The following MAP4K1 variants were observed in gnomAD, a reference collection of about 807,000 sequenced individuals.
The protein encoded by MAP4K1 is MAPK/ERK kinase kinase kinase 1.
A neutral mutation model predicts 122.8 loss-of-function variants in MAP4K1; 35 were observed. The observed-to-expected ratio is 0.29, with a 90% CI of 0.22 to 0.38. The LOEUF (loss-of-function observed/expected upper bound fraction) is 0.38, where lower values mean the gene tolerates loss of function less well. Ranked by LOEUF, MAP4K1 falls within the 10% of genes least tolerant of loss-of-function variation. The pLI is 1.00. For missense variants in MAP4K1, 791 were observed against 1,072.6 expected, an observed-to-expected ratio of 0.74 and a Z score of 3.67; for synonymous variants, 412 against 421.3, an observed-to-expected ratio of 0.98 and a Z score of 0.27.
In MAP4K1 at chr19:38,608,828, A is replaced by AAAAAAAAAAAAAAAAAC. The variant is rs1555811720; in HGVS notation, c.1007-659_1007-658insGTTTTTTTTTTTTTTTT. On this transcript the variant is annotated intron_variant, in intron 13 of 30. Coordinates refer to ENST00000396857, the MANE Select transcript of MAP4K1 (RefSeq NM_001042600.3). ...AAAAAAAAAAAAAAAAAAAAAAAAA[A>AAAAAAAAAAAAAAAAAC]ACATTAGCCACGCGTGGTGAATAAG... 3.7e-4 allele frequency among the ~76,000 whole-genome samples: 51 copies of AAAAAAAAAAAAAAAAAC among 137,242 alleles called. 2 individuals carry two copies. The highest frequency in any genetic ancestry group is 6.7e-4 in the Non-Finnish European group (41 of 61,440). The allele number at this position is 137,242 out of a possible 152,430, so 90.0% of individuals were successfully genotyped here.
intron 8 of MAP4K1, 151 bp from the exon 9 acceptor site, chr19:38,612,893 A>C: frequency 1.2e-6 from 1 of 806,538 alleles, no homozygotes; most frequent in Non-Finnish European, 2.0e-6. Flanking sequence ...ACACAGGCAG[A>C]TGAAGACAGA....
rs527341151 is a variant in MAP4K1 at position 38,605,602 on chromosome 19, T to C, written c.1329A>G (p.Pro443=). ...PPNSPRPGPP[P]STSSPHLTAH... is the part of the protein sequence containing the mutation. Reference sequence around the variant, plus strand: ...CGGTGAGGTGGGGGCTGCTGGTGGATGGGGGAGGCCCAGGACGGGGGCTGT... The same window carrying C: ...CGGTGAGGTGGGGGCTGCTGGTGGACGGGGGAGGCCCAGGACGGGGGCTGT... The change falls in exon 18 of 31, where the codon CCA becomes CCG. Residue 443 remains proline, a synonymous_variant. Coordinates refer to ENST00000396857, the MANE Select transcript of MAP4K1 (RefSeq NM_001042600.3). The C allele has an allele frequency of 1.3e-6, 2 of 1,550,740 alleles. No homozygotes were observed. The highest frequency in any genetic ancestry group is 1.4e-5 in the African/African-American group (1 of 72,010).
At chr19:38,600,557 C>T (rs759774025) in intron 20 of MAP4K1, among the ~76,000 whole-genome samples, 1 of 152,086 alleles carries the variant, frequency 6.6e-6, no homozygotes, top group Non-Finnish European at 1.5e-5. Flanking sequence ...TCCAGTGTGA[C>T]CTGTTCCTTT....
Position 38,610,041 on chromosome 19 carries a change from G to T in MAP4K1, c.811-16C>A, listed in dbSNP as rs1001428256. The stretch of plus-strand genomic sequence containing the variant: ...CCAGTTGATGCTGGCGGAGGGAAGA[G>T]GTGTCCGTATCCAGAGGGATGGTGT... On this transcript the variant is annotated splice_polypyrimidine_tract_variant and intron_variant, in intron 11 of 30. Coordinates refer to ENST00000396857, the MANE Select transcript of MAP4K1 (RefSeq NM_001042600.3). The T allele has an allele frequency of 6.4e-7, 1 of 1,569,326 alleles. No homozygotes were observed. The highest frequency in any genetic ancestry group is 1.4e-5 in the African/African-American group (1 of 73,716).
At chr19:38,602,137 GCAATCTCAGCTCACTGCAACCTC>G (rs1975082727) in intron 19 of MAP4K1, among the ~76,000 whole-genome samples, 1 of 152,070 alleles carries the variant, frequency 6.6e-6, no homozygotes, top group Non-Finnish European at 1.5e-5. Context: ...GTGCAGTGAT[GCAATCTCAGCTCACTGCAACCTC>G]CACCTCCTGG....
At chr19:38,593,731 A>C (rs943400534) in intron 29 of MAP4K1, among the ~76,000 whole-genome samples, 3 of 152,182 alleles carry the variant, frequency 2.0e-5, no homozygotes, top group Admixed American at 6.6e-5. Context: ...AAATACAAAA[A>C]TTAGCCAGCT....
chr19:38,596,999 C>A (rs1164715558), intron 25 of MAP4K1, 35 bp downstream of exon 25: 5 of 1,597,416 alleles, frequency 3.1e-6, no homozygotes, highest in Non-Finnish European at 4.3e-6. Flanking sequence ...GCCACCCACT[C>A]CTCAGAGTTC....
At chr19:38,598,057 G>T (rs2144705741) in intron 22 of MAP4K1, among the ~76,000 whole-genome samples, 1 of 152,088 alleles carries the variant, frequency 6.6e-6, no homozygotes, top group Admixed American at 6.6e-5. Flanking sequence ...ATTTTAGACA[G>T]TCTCGCTCTG....
At chr19:38,596,115 G>T in intron 26 of MAP4K1, 114 bp from the exon 27 acceptor site, 1 of 1,345,936 alleles carries the variant, frequency 7.4e-7, no homozygotes, top group Non-Finnish European at 1.1e-6. Context: ...CAAGCAAGTG[G>T]GCTAAACCCC....
chr19:38,608,799 C>CAAAAAAAAAAAAAAAAAAAAAAAA (rs1031744033), intron 13 of MAP4K1, among the ~76,000 whole-genome samples: 1 of 9,558 alleles, frequency 1.0e-4, no homozygotes, highest in African/African-American at 3.6e-4. Context: ...AACTCCGTCT[C>CAAAAAAAAAAAAAAAAAAAAAAAA]AAAAAAAAAA....
intron 9 of MAP4K1, among the ~76,000 whole-genome samples, chr19:38,612,090 C>T (rs1329440360): frequency 6.9e-6 from 1 of 145,392 alleles, no homozygotes; most frequent in Non-Finnish European, 1.5e-5. Context: ...AAGAGTGGGA[C>T]TCCATCTCAA....
chr19:38,606,360 T>G, intron 16 of MAP4K1, 145 bp from the exon 17 acceptor site: 1 of 564,876 alleles, frequency 1.8e-6, no homozygotes, highest in South Asian at 2.3e-5. Flanking sequence ...GAGCAGAGGA[T>G]TAAAGGATTA....
Position 38,603,349 on chromosome 19 carries a change from CAT to C in MAP4K1, c.1447-1826_1447-1825del, listed in dbSNP as rs1392162130. Among the ~76,000 whole-genome samples the C allele has an allele frequency of 1.8e-4, 27 of 149,092 alleles. No individual in the cohort carries two copies. The East Asian group carries it at 2.6e-3, about 15-fold the overall frequency. On this transcript the variant is annotated intron_variant, in intron 19 of 30. Transcript: ENST00000396857. ...ATATATACGCATATACATATATACA[CAT>C]ATACATATATACACACATATACATA...
chr19:38,611,152 G>A lies in MAP4K1; in HGVS notation c.729-20C>T, dbSNP rs750411683. On this transcript the variant is annotated intron_variant, in intron 10 of 30. Transcript: ENST00000396857. ...GCCGACCTTGGGAAGAAGAAGCCAG[G>A]TTCTGGATGAGGGGACCAGAAACCC... 5.0e-6 allele frequency: 8 copies of A among 1,610,782 alleles called. No homozygotes were observed. In the Admixed American group the frequency reaches 1.0e-4, roughly 20 times the overall value.
intron 29 of MAP4K1, among the ~76,000 whole-genome samples, chr19:38,594,695 T>G (rs1203573017): frequency 6.6e-6 from 1 of 151,580 alleles, no homozygotes; most frequent in Non-Finnish European, 1.5e-5. Flanking sequence ...TCCTAGCACT[T>G]TGTGAGGCCA....
In MAP4K1 at chr19:38,591,198, G is replaced by GA. The variant is rs371942137; in HGVS notation, c.2396+2083dup. On this transcript the variant is annotated intron_variant, in intron 30 of 30. Coordinates refer to ENST00000396857, the MANE Select transcript of MAP4K1 (RefSeq NM_001042600.3). ...AGAGCGAAACTCTGTCTCAAGAAAA[G>GA]AAAAAAAAAAGAATAATAAGGCAAA... Among the ~76,000 whole-genome samples, 1,390 of 141,698 alleles carry GA rather than the reference G, an allele frequency of 9.8e-3. 19 individuals are homozygous for GA. Among genetic ancestry groups the GA allele is most frequent in the African/African-American group, 0.033 (1,287 of 38,832 alleles). 93.0% of individuals were successfully genotyped at this position (141,698 alleles called of 152,430 possible).
Position 38,599,961 on chromosome 19 carries a change from C to A in MAP4K1, c.1633G>T (p.Val545Leu). The A allele has an allele frequency of 3.1e-6, 5 of 1,614,190 alleles. No individual in the cohort carries two copies. The highest frequency in any genetic ancestry group is 4.2e-6 in the Non-Finnish European group (5 of 1,180,040). ...ATGAGAACGTTGTTGATGGAGTACA[C>A]CCACGTAGTCCGGCTAGGAAAGAGC... ...EMLFPSRTTWVYSINNVLMSL... is the reference protein window; with the variant it reads ...EMLFPSRTTWLYSINNVLMSL... The change falls in exon 22 of 31, where the codon GTG becomes TTG. Residue 545 changes from valine to leucine, a missense_variant. Physicochemically the swap from Val to Leu is conservative, Grantham distance 32. Around this residue, in one of 4 missense-constraint regions of MAP4K1, gnomAD observed 58 missense variants for 118.7 expected, o/e 0.49. Coordinates refer to ENST00000396857, the MANE Select transcript of MAP4K1 (RefSeq NM_001042600.3).
At chr19:38,613,036 G>A (rs189003121) in intron 8 of MAP4K1, among the ~76,000 whole-genome samples, 357 of 151,976 alleles carry the variant, frequency 2.3e-3, no homozygotes, top group Middle Eastern at 6.8e-3. Flanking sequence ...GGCTGGGCAC[G>A]GTGGCTTTTG....
chr19:38,596,247 C>A (rs1428256279), intron 26 of MAP4K1, 65 bp downstream of exon 26: 3 of 1,475,546 alleles, frequency 2.0e-6, no homozygotes, highest in Non-Finnish European at 2.7e-6. Context: ...AGCGAAGCCC[C>A]GCCTCCAGCT....
Sources: allele counts gnomAD v4.1 joint callset (sites outside exome capture counted in the v4.1 genomes callset), GRCh38; gene constraint gnomAD v4.1.1; regional missense constraint gnomAD v4.1.1; transcripts MANE v1.5; gene names NCBI Gene and HGNC (gene_info 2026-07-23, HGNC 2026-07-21).